ABTB2: variants seen among roughly 807,000 people sequenced by gnomAD.
ABTB2 encodes ankyrin repeat and BTB/POZ domain-containing protein 2.
ABTB2 carries 56 observed loss-of-function variants against 104.1 expected under a neutral mutation model. The observed-to-expected ratio is 0.54, with a 90% CI of 0.43 to 0.67. The LOEUF (loss-of-function observed/expected upper bound fraction) is 0.67, where lower values mean the gene tolerates loss of function less well. Among genes scored for constraint, ABTB2 ranks in the 30% least tolerant of loss-of-function variants. ABTB2 has a pLI of 0.00. For synonymous variants in ABTB2, 606 were observed against 608.2 expected (o/e 1.00, Z 0.05); for missense variants, 1,279 against 1,407.7 (o/e 0.91, Z 1.46).
At chr11:34,343,336 T>G (rs1269797722) in intron 1 of ABTB2, among the ~76,000 whole-genome samples, 1 of 152,144 alleles carries the variant, frequency 6.6e-6, no homozygotes, top group Non-Finnish European at 1.5e-5. Flanking sequence ...CTAATAATAG[T>G]TAATGTCTGC....
At chr11:34,233,995 C>G (rs1221708498) in intron 1 of ABTB2, among the ~76,000 whole-genome samples, 1 of 152,124 alleles carries the variant, frequency 6.6e-6, no homozygotes, top group Non-Finnish European at 1.5e-5. Flanking sequence ...ATCGCTCCCT[C>G]AAATTTGAAT....
intron 1 of ABTB2, among the ~76,000 whole-genome samples, chr11:34,336,668 A>C (rs540963021): frequency 6.6e-6 from 1 of 151,772 alleles, no homozygotes; most frequent in South Asian, 2.1e-4. Flanking sequence ...AAACAAACAA[A>C]CAAAAAAAAG....
chr11:34,301,254 C>T (rs1298797148), intron 1 of ABTB2, among the ~76,000 whole-genome samples: 1 of 152,122 alleles, frequency 6.6e-6, no homozygotes, highest in East Asian at 1.9e-4. Flanking sequence ...AACAGTGCTT[C>T]CTTCTTTCCC....
intron 3 of ABTB2, among the ~76,000 whole-genome samples, chr11:34,196,466 A>G (rs531632552): frequency 6.6e-6 from 1 of 152,312 alleles, no homozygotes; most frequent in East Asian, 1.9e-4. Context: ...AGGCAGGAGA[A>G]TGGCGTGAAC....
chr11:34,306,072 AG>A (rs571226361), intron 1 of ABTB2, among the ~76,000 whole-genome samples: 258 of 152,226 alleles, frequency 1.7e-3, no homozygotes, highest in Non-Finnish European at 3.1e-3. Flanking sequence ...CTATTCTCTA[AG>A]AACAGGAAGT....
At chr11:34,167,668 T>C (rs561866150) in intron 6 of ABTB2, among the ~76,000 whole-genome samples, 34 of 152,276 alleles carry the variant, frequency 2.2e-4, no homozygotes, top group Middle Eastern at 3.4e-3. Context: ...GAAAACAGAA[T>C]CACAGCCCAT....
intron 1 of ABTB2, among the ~76,000 whole-genome samples, chr11:34,206,411 G>A (rs189596060): frequency 1.1e-4 from 16 of 152,228 alleles, no homozygotes; most frequent in African/African-American, 3.9e-4. Flanking sequence ...AAAAAACCCT[G>A]TGTGATGGGT....
intron 1 of ABTB2, among the ~76,000 whole-genome samples, chr11:34,272,706 C>CAAAAAAAAAAAAAAAAA (rs35638814): frequency 2.4e-5 from 1 of 41,060 alleles, no homozygotes; most frequent in Non-Finnish European, 4.5e-5. Context: ...GACTCCGTCT[C>CAAAAAAAAAAAAAAAAA]AAAAAAAAAA....
At chr11:34,297,143 G>A (rs555109061) in intron 1 of ABTB2, among the ~76,000 whole-genome samples, 64 of 152,246 alleles carry the variant, frequency 4.2e-4, no homozygotes, top group Non-Finnish European at 7.2e-4. Flanking sequence ...CTTTCTGTAC[G>A]TATTCATTTT....
intron 16 of ABTB2, among the ~76,000 whole-genome samples, chr11:34,153,463 G>A (rs751888724): frequency 3.7e-4 from 56 of 152,192 alleles, no homozygotes; most frequent in Middle Eastern, 3.4e-3. Context: ...CAACCTCCCG[G>A]GCTCAACTGA....
intron 1 of ABTB2, among the ~76,000 whole-genome samples, chr11:34,266,747 G>T (rs1854255768): frequency 6.6e-6 from 1 of 152,016 alleles, no homozygotes; most frequent in South Asian, 2.1e-4. Context: ...TCCTTGGAGG[G>T]TTTCTTCATT....
intron 1 of ABTB2, among the ~76,000 whole-genome samples, chr11:34,275,471 A>G (rs549830365): frequency 6.6e-6 from 1 of 152,126 alleles, no homozygotes; most frequent in South Asian, 2.1e-4. Flanking sequence ...CCTCCCCTGA[A>G]TACAGGGCTC....
rs550760142 is a variant in ABTB2, at chr11:34,157,871, T to G, written c.2697+1425A>C. ...TGGCCATGCCCCCTTCCATCCCTTC[T>G]TACCGCTGCAAATGCAAACTTGGCT... On this transcript the variant is annotated intron_variant, in intron 14 of 16. Coordinates refer to ENST00000435224, the MANE Select transcript of ABTB2 (RefSeq NM_145804.3). Among the ~76,000 whole-genome samples, 3 of 152,354 alleles carry G rather than the reference T, an allele frequency of 2.0e-5. No homozygotes were observed. The South Asian group carries it at 6.2e-4, about 32-fold the overall frequency.
chr11:34,337,231 G>A (rs1366883266), intron 1 of ABTB2, among the ~76,000 whole-genome samples: 3 of 152,204 alleles, frequency 2.0e-5, no homozygotes, highest in African/African-American at 7.2e-5. Context: ...CCGATTCTGC[G>A]CCTGTCTGGG....
intron 4 of ABTB2, 136 bp downstream of exon 4, chr11:34,173,019 C>T (rs1852905381): frequency 1.8e-6 from 2 of 1,140,124 alleles, no homozygotes; most frequent in East Asian, 5.0e-5. Flanking sequence ...GCAGAGGACA[C>T]CCTTAGAACA....
chr11:34,280,230 G>C (rs1001871601), intron 1 of ABTB2, among the ~76,000 whole-genome samples: 1 of 152,120 alleles, frequency 6.6e-6, no homozygotes, highest in Non-Finnish European at 1.5e-5. Context: ...ATGGGACCTA[G>C]CGTGTGCAGG....
rs1855296314 is a variant in ABTB2, at chr11:34,343,847, C to G, written c.883+12854G>C. On this transcript the variant is annotated intron_variant, in intron 1 of 16. Coordinates refer to ENST00000435224, the MANE Select transcript of ABTB2 (RefSeq NM_145804.3). ...ATTGAAAACCACTGAAACAACAACC[C>G]TATCAGCTAGGAACTATGGCAACCC... Among the ~76,000 whole-genome samples, 3 of 152,130 alleles carry G rather than the reference C, an allele frequency of 2.0e-5. No individual in the cohort carries two copies. The South Asian group carries it at 6.2e-4, about 32-fold the overall frequency.
rs771825264 is a variant in ABTB2 at position 34,167,962 on chromosome 11, C to T, written c.1594G>A (p.Ala532Thr). The change falls in exon 6 of 17, where the codon GCT becomes ACT. Residue 532 changes from alanine to threonine, a missense_variant. Transcript: ENST00000435224. ...ATCTGGACCATCGCTTCGTCCCCAG[C>T]AGCGCAGGCGTACATCAGTGGCGTC... is the stretch of plus-strand genomic sequence containing the variant. ...GMTPLMYACAAGDEAMVQMLI... is the reference protein window; with the variant it reads ...GMTPLMYACATGDEAMVQMLI... 3 of 1,614,108 alleles carry T rather than the reference C, an allele frequency of 1.9e-6. No homozygotes were observed. The highest frequency in any genetic ancestry group is 2.5e-6 in the Non-Finnish European group (3 of 1,180,048).
chr11:34,357,166 C>A lies in ABTB2; in HGVS notation c.418G>T (p.Ala140Ser). Residue 140 changes from alanine to serine, a missense_variant, in exon 1 of 17, where the codon GCC becomes TCC. Physicochemically the swap from Ala to Ser is moderately conservative, Grantham distance 99. Transcript: ENST00000435224. ...GLLRRALIRVAREAQRLSVLH... is the reference protein window; with the variant it reads ...GLLRRALIRVSREAQRLSVLH... ...ACGCTCAGGCGCTGCGCCTCGCGGG[C>A]CACGCGGATCAGTGCCCTGCGGAGC... is the stretch of plus-strand genomic sequence containing the variant. The A allele has an allele frequency of 6.7e-7, 1 of 1,496,316 alleles. No individual in the cohort carries two copies. The allele number at this position is 1,496,316 out of a possible 1,614,324, so 92.7% of individuals were successfully genotyped here.
Sources: allele counts gnomAD v4.1 joint callset (sites outside exome capture counted in the v4.1 genomes callset), GRCh38; gene constraint gnomAD v4.1.1; transcripts MANE v1.5; gene names NCBI Gene and HGNC (gene_info 2026-07-23, HGNC 2026-07-21).